ZNF678: variants seen among roughly 807,000 people sequenced by gnomAD.
ZNF678 encodes zinc finger protein 678.
In ZNF678, 5 loss-of-function variants were observed where a neutral mutation model predicts 3.0. The ratio of observed to expected loss-of-function variants is 1.69; its 90% confidence interval spans 0.88 to 3.56. The LOEUF is 3.56. Among genes scored for constraint, ZNF678 ranks in the 30% most tolerant of loss-of-function variants. The probability of loss-of-function intolerance (pLI) is 0.00; values close to 1 mark genes in which losing one functional copy is unlikely to be tolerated. For missense variants in ZNF678, 593 were observed against 605.0 expected (o/e 0.98, Z 0.21); for synonymous variants, 218 against 199.6 (o/e 1.09, Z -0.78).
At position 227,646,299 on chromosome 1, in the gene ZNF678, G is replaced by T. The variant is rs1426259860; in HGVS notation, c.-163-245G>T. ...CTGTCCAATATGTAATGCATGTATT[G>T]GCGCCCTTAGTTTTATACTACAACA... On this transcript the variant is annotated intron_variant, in intron 1 of 3. Coordinates refer to ENST00000343776, the MANE Select transcript of ZNF678 (RefSeq NM_001367909.1). Among the ~76,000 whole-genome samples, 8 of 152,218 alleles carry T rather than the reference G, an allele frequency of 5.3e-5. No individual in the cohort carries two copies. The East Asian group carries it at 1.4e-3, about 26-fold the overall frequency.
At chr1:227,583,973 T>G (rs756378250) in intron 1 of ZNF678, among the ~76,000 whole-genome samples, 8 of 152,240 alleles carry the variant, frequency 5.3e-5, no homozygotes, top group Non-Finnish European at 4.4e-5. Flanking sequence ...GTTAGAATCA[T>G]ATATCTGTTG....
chr1:227,643,180 G>GGA (rs987874077), intron 1 of ZNF678, among the ~76,000 whole-genome samples: 1 of 152,086 alleles, frequency 6.6e-6, no homozygotes, highest in Non-Finnish European at 1.5e-5. Context: ...AGGAGGAGGA[G>GGA]GAGGAGGAGT....
At chr1:227,589,924 C>G (rs1039824600) in intron 1 of ZNF678, among the ~76,000 whole-genome samples, 4 of 151,756 alleles carry the variant, frequency 2.6e-5, no homozygotes, top group Non-Finnish European at 5.9e-5. Flanking sequence ...TATTCCCCCA[C>G]TTTGAGACTC....
intron 1 of ZNF678, among the ~76,000 whole-genome samples, chr1:227,620,198 G>A (rs1037375436): frequency 2.6e-5 from 4 of 152,184 alleles, no homozygotes; most frequent in Non-Finnish European, 5.9e-5. Context: ...AGAGCAAACT[G>A]CAAGCTTGAA....
At chr1:227,585,545 T>G (rs1657236294) in intron 1 of ZNF678, among the ~76,000 whole-genome samples, 1 of 152,102 alleles carries the variant, frequency 6.6e-6, no homozygotes. Flanking sequence ...GAAGCTGAGG[T>G]GGGCAGATCA....
intron 1 of ZNF678, among the ~76,000 whole-genome samples, chr1:227,615,160 A>C (rs1658112928): frequency 6.6e-6 from 1 of 152,196 alleles, no homozygotes; most frequent in Non-Finnish European, 1.5e-5. Context: ...TGATTTACTG[A>C]ATCTCAACTA....
At chr1:227,649,955 C>T (rs1659050477) in intron 2 of ZNF678, among the ~76,000 whole-genome samples, 1 of 151,936 alleles carries the variant, frequency 6.6e-6, no homozygotes, top group South Asian at 2.1e-4. Context: ...CAAATATTTT[C>T]TCCCATCCTT....
chr1:227,592,764 T>C (rs951598036), intron 1 of ZNF678, among the ~76,000 whole-genome samples: 1 of 152,228 alleles, frequency 6.6e-6, no homozygotes, highest in African/African-American at 2.4e-5. Context: ...CTTCTCTTGC[T>C]TTACGATGTC....
At chr1:227,673,579 T>C (rs1659635696) in intron 5 of ZNF678, among the ~76,000 whole-genome samples, 1 of 152,232 alleles carries the variant, frequency 6.6e-6, no homozygotes, top group South Asian at 2.1e-4. Context: ...TTACACATGC[T>C]GCTTGAATCA....
intron 1 of ZNF678, among the ~76,000 whole-genome samples, chr1:227,603,275 C>A (rs758133749): frequency 2.7e-4 from 41 of 152,286 alleles, no homozygotes; most frequent in Admixed American, 4.6e-4. Flanking sequence ...GAATCAGGTA[C>A]AATCCCTGGA....
At chr1:227,671,565 G>C (rs1274961585) in intron 5 of ZNF678, among the ~76,000 whole-genome samples, 1 of 152,114 alleles carries the variant, frequency 6.6e-6, no homozygotes, top group Non-Finnish European at 1.5e-5. Flanking sequence ...TCCAACACTT[G>C]CAGGGTGATG....
At chr1:227,652,256 A>G (rs568232467) in intron 3 of ZNF678, among the ~76,000 whole-genome samples, 4 of 152,294 alleles carry the variant, frequency 2.6e-5, no homozygotes, top group East Asian at 3.9e-4. Flanking sequence ...TTTTCCCAGT[A>G]TAATTGTTAC....
At chr1:227,653,281 ATG>A (rs1659132088) in intron 3 of ZNF678, among the ~76,000 whole-genome samples, 1 of 151,456 alleles carries the variant, frequency 6.6e-6, no homozygotes, top group African/African-American at 2.4e-5. Context: ...TTTACATCTT[ATG>A]TATAAACATT....
chr1:227,648,410 A>G (rs1386832498), intron 2 of ZNF678, among the ~76,000 whole-genome samples: 1 of 152,258 alleles, frequency 6.6e-6, no homozygotes, highest in Non-Finnish European at 1.5e-5. Flanking sequence ...TACACATTGT[A>G]CTATAATTAA....
intron 1 of ZNF678, among the ~76,000 whole-genome samples, chr1:227,628,998 T>C (rs1658485728): frequency 6.6e-6 from 1 of 152,094 alleles, no homozygotes; most frequent in Non-Finnish European, 1.5e-5. Flanking sequence ...AAAAGCAAAG[T>C]GTAAGGGTTA....
chr1:227,645,616 A>G (rs951530357), intron 1 of ZNF678, among the ~76,000 whole-genome samples: 23 of 152,206 alleles, frequency 1.5e-4, no homozygotes, highest in African/African-American at 5.1e-4. Flanking sequence ...GCAGGTGTGG[A>G]TGCCCAAGAT....
chr1:227,589,655 A>C (rs1454085685), intron 1 of ZNF678, among the ~76,000 whole-genome samples: 1 of 151,654 alleles, frequency 6.6e-6, no homozygotes, highest in African/African-American at 2.4e-5. Flanking sequence ...CAGGGGGTGC[A>C]TGACTGGGGA....
At chr1:227,620,887 G>A (rs1230737184) in intron 1 of ZNF678, among the ~76,000 whole-genome samples, 1 of 152,274 alleles carries the variant, frequency 6.6e-6, no homozygotes, top group Admixed American at 6.5e-5. Context: ...AAGGTGTAGG[G>A]AATGGGACAT....
chr1:227,638,578 G>T lies in ZNF678; in HGVS notation c.-163-7966G>T, dbSNP rs1658738973. On this transcript the variant is annotated intron_variant, in intron 1 of 3. Transcript: ENST00000343776. This position sits in a 1 kb window ranked among gnomAD's most constrained non-coding sequence, Gnocchi z 4.2. ...AAACAGCGGGGTTGACTACAGATGG[G>T]GGATAAGGAAAAGTTGCATGTTTTA... 6.6e-6 allele frequency among the ~76,000 whole-genome samples: 1 copy of T among 152,114 alleles called. No individual in the cohort carries two copies. The highest frequency in any genetic ancestry group is 6.5e-5 in the Admixed American group (1 of 15,276).
Sources: gnomAD v4.1 joint callset for allele counts (sites outside exome capture counted in the v4.1 genomes callset) on GRCh38, gnomAD v4.1.1 for gene constraint, Gnocchi (gnomAD v3.1) non-coding constraint, MANE v1.5 for transcripts, NCBI Gene and HGNC (gene_info 2026-07-23, HGNC 2026-07-21) for gene names.